KCNK2: variants seen among roughly 807,000 people sequenced by gnomAD.
The protein encoded by KCNK2 is potassium two pore domain channel subfamily K member 2.
Under a neutral mutation model 40.5 loss-of-function variants are expected in KCNK2, and 21 were observed. The observed-to-expected ratio is 0.52, with a 90% CI of 0.37 to 0.75. The LOEUF (loss-of-function observed/expected upper bound fraction) is 0.75, where lower values mean the gene tolerates loss of function less well. Ranked by LOEUF, KCNK2 falls within the 30% of genes least tolerant of loss-of-function variation. KCNK2 has a pLI of 0.00. For synonymous variants in KCNK2, 191 were observed against 202.2 expected (o/e 0.94, Z 0.47); for missense variants, 399 against 531.6 (o/e 0.75, Z 2.45).
At chr1:215,120,421 A>G (rs1661138942) in intron 2 of KCNK2, among the ~76,000 whole-genome samples, 1 of 152,222 alleles carries the variant, frequency 6.6e-6, no homozygotes, top group Non-Finnish European at 1.5e-5. Flanking sequence ...ACCATATACA[A>G]CTGCTAAATA....
chr1:215,095,903 G>A (rs1659956880), intron 2 of KCNK2, among the ~76,000 whole-genome samples: 1 of 151,988 alleles, frequency 6.6e-6, no homozygotes. Flanking sequence ...GGACACAAAA[G>A]GGCAAATAAA....
chr1:215,155,821 G>A (rs1662895699), intron 3 of KCNK2, among the ~76,000 whole-genome samples: 1 of 152,190 alleles, frequency 6.6e-6, no homozygotes, highest in East Asian at 1.9e-4. Context: ...GCCAGGCCGA[G>A]ATTTAATTTT....
At chr1:215,082,248 C>T (rs1465421793), upstream of KCNK2, 1 of 152,396 alleles carries the variant, frequency 6.6e-6, no homozygotes, top group Non-Finnish European at 1.5e-5. Flanking sequence ...GACTCCTTAA[C>T]CCTTCCCGAA....
At chr1:215,174,435 G>A (rs1011652175) in intron 5 of KCNK2, among the ~76,000 whole-genome samples, 1 of 152,156 alleles carries the variant, frequency 6.6e-6, no homozygotes, top group Non-Finnish European at 1.5e-5. Flanking sequence ...TTTGGCTTAG[G>A]ATTGACTTGG....
At chr1:215,162,801 A>G (rs561960366) in intron 3 of KCNK2, among the ~76,000 whole-genome samples, 2 of 150,648 alleles carry the variant, frequency 1.3e-5, no homozygotes, top group African/African-American at 4.9e-5. Flanking sequence ...TTTTGGTACC[A>G]GTACCATGCT....
chr1:215,051,491 C>T (rs565792780), intron 1 of KCNK2, among the ~76,000 whole-genome samples: 4 of 152,102 alleles, frequency 2.6e-5, no homozygotes, highest in African/African-American at 9.7e-5. Flanking sequence ...AATGCCATAC[C>T]TAGCCATTAG....
At chr1:215,128,903 A>G (rs1362094545) in intron 3 of KCNK2, among the ~76,000 whole-genome samples, 2 of 152,214 alleles carry the variant, frequency 1.3e-5, no homozygotes, top group East Asian at 3.8e-4. Context: ...CTACAATAAG[A>G]TGGAACATGG....
intron 1 of KCNK2, among the ~76,000 whole-genome samples, chr1:215,018,162 AT>A (rs149076718): frequency 0.01 from 1,538 of 152,310 alleles, 25 homozygotes; most frequent in South Asian, 0.074. Context: ...CTAGAAAAAA[AT>A]CATCAGACCT....
At chr1:215,227,830 G>GT (rs2102707733) in intron 6 of KCNK2, among the ~76,000 whole-genome samples, 1 of 152,204 alleles carries the variant, frequency 6.6e-6, no homozygotes, top group South Asian at 2.1e-4. Flanking sequence ...GGAGCTGGTT[G>GT]TAAGATTTGC....
intron 5 of KCNK2, among the ~76,000 whole-genome samples, chr1:215,190,218 C>T (rs540653536): frequency 3.3e-5 from 5 of 151,904 alleles, no homozygotes; most frequent in East Asian, 1.9e-4. Context: ...CGAAGAGGGC[C>T]GATGGCTGGG....
rs114489467 is a variant in KCNK2, at chr1:215,091,011, G to A, written c.357+4333G>A. ...AAAAACACATGGCTTCTCTCAAGGCGCTTCTTCCTACATGTCAATCAAAGG... is the reference window on the plus strand; with the variant it reads ...AAAAACACATGGCTTCTCTCAAGGCACTTCTTCCTACATGTCAATCAAAGG... On this transcript the variant is annotated intron_variant, in intron 2 of 6. Transcript: ENST00000444842. 5.1e-3 allele frequency among the ~76,000 whole-genome samples: 771 copies of A among 152,214 alleles called. 2 individuals carry two copies. Among genetic ancestry groups the A allele is most frequent in the Middle Eastern group, 0.01 (3 of 294 alleles).
chr1:215,152,882 C>T (rs546523407), intron 3 of KCNK2, among the ~76,000 whole-genome samples: 1 of 152,226 alleles, frequency 6.6e-6, no homozygotes, highest in East Asian at 1.9e-4. Context: ...CTAGAAGGGT[C>T]TATACCAACG....
chr1:215,209,857 A>T lies in KCNK2; in HGVS notation c.963+14765A>T, dbSNP rs1490592561. 9.6e-5 allele frequency among the ~76,000 whole-genome samples: 7 copies of T among 72,758 alleles called. No individual in the cohort carries two copies. The South Asian group carries it at 1.6e-3, about 16-fold the overall frequency. 47.7% of individuals were successfully genotyped at this position (72,758 alleles called of 152,430 possible). ...AAATATATATTATATAACATATATA[A>T]TATATATAAAATATGTACATATTAG... On this transcript the variant is annotated intron_variant, in intron 6 of 6. Coordinates refer to ENST00000444842, the MANE Select transcript of KCNK2 (RefSeq NM_001017425.3).
At chr1:215,065,069 A>C (rs867268449) in intron 1 of KCNK2, among the ~76,000 whole-genome samples, 1 of 152,194 alleles carries the variant, frequency 6.6e-6, no homozygotes, top group South Asian at 2.1e-4. Context: ...AGTAGTTCTA[A>C]GCTGGGAAAT....
At chr1:215,157,356 T>A (rs1272489566) in intron 3 of KCNK2, among the ~76,000 whole-genome samples, 1 of 152,176 alleles carries the variant, frequency 6.6e-6, no homozygotes, top group South Asian at 2.1e-4. Flanking sequence ...AAACAGCTGC[T>A]AAGCCAGCTG....
chr1:215,195,847 G>C (rs927322041), intron 6 of KCNK2, among the ~76,000 whole-genome samples: 8 of 152,052 alleles, frequency 5.3e-5, no homozygotes, highest in Admixed American at 2.6e-4. Flanking sequence ...TTGCTTCTGG[G>C]TCTTAGTCAA....
rs199497700 is a variant in KCNK2, at chr1:215,006,997, C to CTATA, written c.34+1080_34+1083dup. ...ATCACTAAGTTTGGGGACCAATTCACTATATATATATATATATATATATAT... is the reference window on the plus strand; with the variant it reads ...ATCACTAAGTTTGGGGACCAATTCACTATATATATATATATATATATATATATAT... On this transcript the variant is annotated intron_variant, in intron 1 of 6. Transcript: ENST00000391895. Among the ~76,000 whole-genome samples the CTATA allele has an allele frequency of 9.0e-3, 733 of 81,370 alleles. 2 individuals are homozygous for CTATA. Among genetic ancestry groups the CTATA allele is most frequent in the Middle Eastern group, 0.017 (2 of 120 alleles). The allele number at this position is 81,370 out of a possible 152,430, so 53.4% of individuals were successfully genotyped here.
intron 1 of KCNK2, among the ~76,000 whole-genome samples, chr1:215,043,048 A>G (rs1396826409): frequency 1.3e-5 from 2 of 152,158 alleles, no homozygotes; most frequent in Non-Finnish European, 2.9e-5. Flanking sequence ...CATGTGATAA[A>G]CCAGTATGTG....
chr1:215,086,639 T>G lies in KCNK2; in HGVS notation c.318T>G (p.His106Gln). 1.9e-6 allele frequency: 3 copies of G among 1,614,124 alleles called. No individual in the cohort carries two copies. The highest frequency in any genetic ancestry group is 2.5e-6 in the Non-Finnish European group (3 of 1,179,978). The change falls in exon 2 of 7, where the codon CAT (histidine) becomes CAG (glutamine). Residue 106 changes from histidine (H) to glutamine (Q), a missense_variant. His to Gln is a conservative substitution (Grantham distance 24). Coordinates refer to ENST00000444842, the MANE Select transcript of KCNK2 (RefSeq NM_001017425.3). ...VIQKQTFISQ[H>Q]SCVNSTELDE... is the part of the protein sequence containing the mutation. ...AGAAGCAAACATTCATATCCCAACA[T>G]TCCTGTGTCAATTCGACGGAGCTGG...
Sources: gnomAD v4.1 joint callset for allele counts (sites outside exome capture counted in the v4.1 genomes callset) on GRCh38, gnomAD v4.1.1 for gene constraint, MANE v1.5 for transcripts, NCBI Gene and HGNC (gene_info 2026-07-23, HGNC 2026-07-21) for gene names.